TENM2: variants seen among roughly 807,000 people sequenced by gnomAD.
TENM2 encodes teneurin transmembrane protein 2.
A neutral mutation model predicts 245.2 loss-of-function variants in TENM2; 52 were observed. That is an observed-to-expected ratio of 0.21 (90% CI 0.17 to 0.27). The LOEUF (loss-of-function observed/expected upper bound fraction) is 0.27. Ranked by LOEUF, TENM2 falls within the 10% of genes least tolerant of loss-of-function variation. TENM2 has a pLI of 1.00. For synonymous variants in TENM2, 1,363 were observed against 1,438.9 expected (o/e 0.95, Z 1.19); for missense variants, 3,046 against 3,666.8 (o/e 0.83, Z 4.37).
rs374488183 is a variant in TENM2 at position 167,457,394 on chromosome 5, G to A, written c.502+81921G>A. ...GTTGCCCAGGCTGGAGTGCAATGGC[G>A]CAATCTCAGCTCACCGCAACCTCCA... On this transcript the variant is annotated intron_variant, in intron 2 of 28. Coordinates refer to ENST00000518659, the Ensembl canonical transcript of TENM2. Among the ~76,000 whole-genome samples the A allele has an allele frequency of 4.3e-3, 653 of 150,998 alleles. 2 individuals are homozygous for A. The highest frequency in any genetic ancestry group is 0.011 in the African/African-American group (461 of 41,094).
intron 2 of TENM2, among the ~76,000 whole-genome samples, chr5:167,569,514 G>A (rs1774138855): frequency 2.0e-5 from 3 of 152,266 alleles, no homozygotes; most frequent in Middle Eastern, 6.8e-3. Context: ...TAACTAGAAG[G>A]TAGGAAGACA....
intron 2 of TENM2, among the ~76,000 whole-genome samples, chr5:167,584,777 C>A (rs1775364598): frequency 6.6e-6 from 1 of 151,762 alleles, no homozygotes; most frequent in Non-Finnish European, 1.5e-5. Context: ...TCACTGCAAG[C>A]TCTGCCTCCT....
chr5:168,139,633 C>T, intron 12 of TENM2: 1 of 450,912 alleles, frequency 2.2e-6, no homozygotes, highest in Non-Finnish European at 4.5e-6. Flanking sequence ...TGTGTTGATT[C>T]AGGGAAGGGG....
At chr5:168,041,719 T>C (rs747577243) in intron 5 of TENM2, among the ~76,000 whole-genome samples, 2 of 152,250 alleles carry the variant, frequency 1.3e-5, no homozygotes, top group African/African-American at 2.4e-5. Flanking sequence ...TTGTTAAAAC[T>C]GCTTTACTCC....
intron 2 of TENM2, among the ~76,000 whole-genome samples, chr5:167,735,836 A>G (rs2150573048): frequency 6.6e-6 from 1 of 152,238 alleles, no homozygotes; most frequent in Non-Finnish European, 1.5e-5. Flanking sequence ...AAAGAAAAGA[A>G]AAGAAAGTTC....
intron 2 of TENM2, among the ~76,000 whole-genome samples, chr5:167,705,965 TTATATATATA>T (rs368174120): frequency 1.7e-5 from 2 of 119,896 alleles, no homozygotes; most frequent in East Asian, 2.4e-4. Context: ...CAAGGCTGGG[TTATATATATA>T]TATATATATA....
At chr5:167,028,504 A>G in the TENM2 span, among the ~76,000 whole-genome samples, 3 of 152,124 alleles carry the variant, frequency 2.0e-5, no homozygotes, top group African/African-American at 7.2e-5. Context: ...ACATGAAAAA[A>G]TGTATCACTT....
At chr5:167,786,884 C>G (rs571795269) in intron 2 of TENM2, among the ~76,000 whole-genome samples, 1 of 152,208 alleles carries the variant, frequency 6.6e-6, no homozygotes, top group African/African-American at 2.4e-5. Context: ...TTCTATGACT[C>G]AAATGCAAAA....
At chr5:168,090,438 C>T in intron 7 of TENM2, 136 bp from the exon 10 acceptor site, 1 of 613,560 alleles carries the variant, frequency 1.6e-6, no homozygotes. Context: ...CTCTTGTTTT[C>T]CTGGATAAGT....
intron 9 of TENM2, among the ~76,000 whole-genome samples, chr5:168,108,320 C>A (rs1794413473): frequency 6.6e-6 from 1 of 152,182 alleles, no homozygotes; most frequent in South Asian, 2.1e-4. Flanking sequence ...AGAAGGAAAG[C>A]TGTAGAGTTT....
chr5:167,799,812 A>T (rs572650642), intron 2 of TENM2, among the ~76,000 whole-genome samples: 3 of 152,324 alleles, frequency 2.0e-5, no homozygotes, highest in East Asian at 3.9e-4. Flanking sequence ...TCCCCAGTCT[A>T]AATACATTAT....
intron 12 of TENM2, among the ~76,000 whole-genome samples, chr5:168,153,701 G>T (rs1756856898): frequency 6.6e-6 from 1 of 152,194 alleles, no homozygotes; most frequent in Non-Finnish European, 1.5e-5. Context: ...CATTGAGCAG[G>T]CGTCTGGATC....
chr5:167,163,700 A>T, the TENM2 span, among the ~76,000 whole-genome samples: 1 of 152,180 alleles, frequency 6.6e-6, no homozygotes, highest in South Asian at 2.1e-4. Context: ...TGATGCTCTG[A>T]CTACAACATT....
At chr5:168,193,022 CCAAAATACAGGTGAACAGT>C (rs1206873289) in intron 14 of TENM2, among the ~76,000 whole-genome samples, 1 of 152,136 alleles carries the variant, frequency 6.6e-6, no homozygotes, top group African/African-American at 2.4e-5. Flanking sequence ...TGAGCTAGAG[CCAAAATACAGGTGAACAGT>C]CAGGAACCCC....
At chr5:167,038,250 G>C in the TENM2 span, among the ~76,000 whole-genome samples, 1 of 152,212 alleles carries the variant, frequency 6.6e-6, no homozygotes, top group Non-Finnish European at 1.5e-5. Flanking sequence ...TGGCTAGGTT[G>C]CATCAGTGCT....
chr5:167,900,135 G>GAAA (rs1266899709), intron 3 of TENM2, among the ~76,000 whole-genome samples: 2,300 of 77,284 alleles, frequency 0.03, 104 homozygotes, highest in African/African-American at 0.084. Flanking sequence ...AAAAAAAAAG[G>GAAA]GGGGGGGGGT....
chr5:167,184,063 A>G, the TENM2 span, among the ~76,000 whole-genome samples: 1 of 152,212 alleles, frequency 6.6e-6, no homozygotes, highest in Admixed American at 6.5e-5. Flanking sequence ...CACTCAACCT[A>G]TGTACACAAA....
At chr5:168,229,823 C>CTGCTGGTA (rs1279523824) in intron 25 of TENM2, 1 of 152,212 alleles carries the variant, frequency 6.6e-6, no homozygotes, top group Non-Finnish European at 1.5e-5. Context: ...TTTTCTTCCT[C>CTGCTGGTA]TGCTGGTATC....
At chr5:168,210,070 T>C in intron 19 of TENM2, among the ~76,000 whole-genome samples, 1 of 152,210 alleles carries the variant, frequency 6.6e-6, no homozygotes, top group East Asian at 1.9e-4. Flanking sequence ...ATTAAAACCA[T>C]GCACACAAAG....
Sources: allele counts gnomAD v4.1 joint callset (sites outside exome capture counted in the v4.1 genomes callset), GRCh38; gene constraint gnomAD v4.1.1; transcripts MANE v1.5; gene names NCBI Gene and HGNC (gene_info 2026-07-23, HGNC 2026-07-21).